Variants in MBOAT1 observed in about 807,000 individuals in gnomAD.
MBOAT1 encodes membrane-bound glycerophospholipid O-acyltransferase 1.
MBOAT1 carries 67 observed loss-of-function variants against 64.4 expected under a neutral mutation model. The ratio of observed to expected loss-of-function variants is 1.04; its 90% CI spans 0.85 to 1.27. The LOEUF is 1.27. Ranked by LOEUF, MBOAT1 falls within the 50% of genes most tolerant of loss-of-function variation. The pLI, the probability that MBOAT1 is intolerant of heterozygous loss-of-function variation, is 0.00. For synonymous variants in MBOAT1, 229 were observed against 218.9 expected, an observed-to-expected ratio of 1.05 and a Z score of -0.41; for missense variants, 563 against 604.6, an observed-to-expected ratio of 0.93 and a Z score of 0.72.
In MBOAT1 at chr6:20,183,227, G is replaced by GA. The variant is rs368901984; in HGVS notation, c.99+28908dup. Among the ~76,000 whole-genome samples, 669 of 150,860 alleles carry GA rather than the reference G, an allele frequency of 4.4e-3. 3 individuals carry two copies. The highest frequency in any genetic ancestry group is 0.015 in the African/African-American group (609 of 41,198). On this transcript the variant is annotated intron_variant, in intron 1 of 12. Coordinates refer to ENST00000324607, the MANE Select transcript of MBOAT1 (RefSeq NM_001080480.3). Reference sequence around the variant, plus strand: ...CATAATCCATGGTATGATCTACCTGGAAAAAAAAATATGTTTACAGAAAGG... The same window carrying GA: ...CATAATCCATGGTATGATCTACCTGGAAAAAAAAAATATGTTTACAGAAAGG...
Position 20,114,813 on chromosome 6 carries a change from G to C in MBOAT1, c.1076+475C>G, listed in dbSNP as rs555841011. Among the ~76,000 whole-genome samples the C allele has an allele frequency of 6.6e-5, 10 of 151,902 alleles. No homozygotes were observed. In the East Asian group the frequency reaches 1.9e-3, roughly 29 times the overall value. On this transcript the variant is annotated intron_variant, in intron 10 of 12. Coordinates refer to ENST00000324607, the MANE Select transcript of MBOAT1 (RefSeq NM_001080480.3). ...GCAGGAGAATTGCTTGAACCCGGGA[G>C]GCAGAGGTTGCAATGAGCAGAGATT...
chr6:20,152,358 T>A (rs1182877227), intron 2 of MBOAT1, among the ~76,000 whole-genome samples: 362 of 96,858 alleles, frequency 3.7e-3, no homozygotes, highest in African/African-American at 8.6e-3. Flanking sequence ...AATAAATAAA[T>A]AAATAAATTA....
At chr6:20,194,123 C>CAAA (rs1554122441) in intron 1 of MBOAT1, among the ~76,000 whole-genome samples, 1 of 150,834 alleles carries the variant, frequency 6.6e-6, no homozygotes, top group Non-Finnish European at 1.5e-5. Context: ...ACCAGTGATC[C>CAAA]AAAAAAAAAA....
intron 7 of MBOAT1, chr6:20,125,872 T>C (rs750873417): frequency 1.1e-4 from 47 of 439,452 alleles, no homozygotes; most frequent in African/African-American, 8.8e-4. Context: ...CCTTTTCCAA[T>C]TTTCACCACT....
intron 1 of MBOAT1, among the ~76,000 whole-genome samples, chr6:20,196,617 T>C (rs1762961281): frequency 6.6e-6 from 1 of 152,086 alleles, no homozygotes; most frequent in African/African-American, 2.4e-5. Context: ...TCCCAGCAAT[T>C]TGGGAGGCCA....
intron 1 of MBOAT1, among the ~76,000 whole-genome samples, chr6:20,194,624 A>G (rs566665096): frequency 6.6e-6 from 1 of 152,322 alleles, no homozygotes; most frequent in South Asian, 2.1e-4. Context: ...ACCACTGTTG[A>G]TGCTGACTTT....
chr6:20,129,728 T>A (rs1760762510), intron 5 of MBOAT1, among the ~76,000 whole-genome samples: 1 of 152,220 alleles, frequency 6.6e-6, no homozygotes, highest in Non-Finnish European at 1.5e-5. Flanking sequence ...CATCAAATAG[T>A]AATCGCTGGC....
At chr6:20,203,864 C>G (rs1445378598) in intron 1 of MBOAT1, among the ~76,000 whole-genome samples, 1 of 151,554 alleles carries the variant, frequency 6.6e-6, no homozygotes, top group Non-Finnish European at 1.5e-5. Context: ...TCTACCTGAG[C>G]CAGCATAAGG....
chr6:20,151,373 T>G, intron 2 of MBOAT1, 111 bp from the exon 3 acceptor site: 1 of 679,878 alleles, frequency 1.5e-6, no homozygotes, highest in Non-Finnish European at 2.6e-6. Context: ...ACACAAATGA[T>G]CAATGATCAG....
chr6:20,196,356 A>C (rs533795193), intron 1 of MBOAT1, among the ~76,000 whole-genome samples: 2 of 152,176 alleles, frequency 1.3e-5, no homozygotes, highest in African/African-American at 4.8e-5. Flanking sequence ...AAGACCACAT[A>C]CTGTATGATT....
chr6:20,203,361 A>G (rs1763175616), intron 1 of MBOAT1, among the ~76,000 whole-genome samples: 1 of 152,338 alleles, frequency 6.6e-6, no homozygotes, highest in East Asian at 1.9e-4. Flanking sequence ...ACTGCACACA[A>G]TGAAAATGGG....
At chr6:20,201,388 T>C (rs1391687607) in intron 1 of MBOAT1, among the ~76,000 whole-genome samples, 2 of 152,164 alleles carry the variant, frequency 1.3e-5, no homozygotes, top group Non-Finnish European at 2.9e-5. Context: ...CTATCACTTA[T>C]GTCAGAAAAT....
At chr6:20,171,554 TAAC>T (rs147093890) in intron 1 of MBOAT1, among the ~76,000 whole-genome samples, 7,668 of 149,312 alleles carry the variant, frequency 0.051, 237 homozygotes, top group Non-Finnish European at 0.077. Context: ...AAAAGAATAA[TAAC>T]AATAATAATG....
intron 3 of MBOAT1, among the ~76,000 whole-genome samples, chr6:20,150,562 CTTTT>C (rs537125848): frequency 2.2e-5 from 3 of 134,834 alleles, no homozygotes; most frequent in Admixed American, 7.6e-5. Context: ...TTTCTTTTTC[CTTTT>C]TTTTTTTTTT....
chr6:20,147,269 C>T (rs1242703154), intron 3 of MBOAT1, among the ~76,000 whole-genome samples: 1 of 152,212 alleles, frequency 6.6e-6, no homozygotes, highest in Admixed American at 6.5e-5. Context: ...GAGCTCAAAT[C>T]CCAGCACTGG....
At chr6:20,125,362 G>A (rs1363406429) in intron 7 of MBOAT1, among the ~76,000 whole-genome samples, 1 of 152,218 alleles carries the variant, frequency 6.6e-6, no homozygotes, top group Non-Finnish European at 1.5e-5. Flanking sequence ...CCTGTGAACA[G>A]TGCCTGGATC....
intron 1 of MBOAT1, among the ~76,000 whole-genome samples, chr6:20,206,562 G>A (rs1763271829): frequency 6.6e-6 from 1 of 152,172 alleles, no homozygotes; most frequent in South Asian, 2.1e-4. Flanking sequence ...ATGAGAGGAT[G>A]CATGCAGAGG....
intron 1 of MBOAT1, among the ~76,000 whole-genome samples, chr6:20,196,878 C>T (rs1488230763): frequency 6.7e-6 from 1 of 149,088 alleles, no homozygotes; most frequent in Non-Finnish European, 1.5e-5. Flanking sequence ...AAAAAACAAA[C>T]AAACAAAAAA....
intron 1 of MBOAT1, 62 bp from the exon 2 acceptor site, chr6:20,152,831 GTTTT>G: frequency 2.9e-6 from 1 of 342,658 alleles, no homozygotes; most frequent in Non-Finnish European, 4.0e-6. Flanking sequence ...TTTTTTGTTT[GTTTT>G]GTTTTGTTTT....
Sources: gnomAD v4.1 joint callset for allele counts (sites outside exome capture counted in the v4.1 genomes callset) on GRCh38, gnomAD v4.1.1 for gene constraint, MANE v1.5 for transcripts, NCBI Gene and HGNC (gene_info 2026-07-23, HGNC 2026-07-21) for gene names.